RRAS2: variants seen among roughly 807,000 people sequenced by gnomAD.
RRAS2 encodes ras-related protein R-Ras2.
In RRAS2, 7 loss-of-function variants were observed where a neutral mutation model predicts 27.6. That is an observed-to-expected ratio of 0.25 (90% confidence interval 0.14 to 0.48). RRAS2 has a LOEUF of 0.48. Ranked by LOEUF, RRAS2 falls within the 20% of genes least tolerant of loss-of-function variation. RRAS2 has a pLI of 0.99. For synonymous variants in RRAS2, 86 were observed against 90.9 expected (o/e 0.95, Z 0.31); for missense variants, 178 against 256.2 (o/e 0.69, Z 2.08).
intron 1 of RRAS2, among the ~76,000 whole-genome samples, chr11:14,336,580 C>T (rs1848593197): frequency 6.6e-6 from 1 of 151,864 alleles, no homozygotes; most frequent in South Asian, 2.1e-4. Flanking sequence ...CTAAAAAATA[C>T]AATAATCAAA....
intron 1 of RRAS2, among the ~76,000 whole-genome samples, chr11:14,348,088 G>GA (rs1366985393): frequency 6.6e-6 from 1 of 152,016 alleles, no homozygotes; most frequent in Non-Finnish European, 1.5e-5. Flanking sequence ...TTTTTAAACA[G>GA]AAAAAAACCT....
intron 1 of RRAS2, among the ~76,000 whole-genome samples, chr11:14,327,585 C>A (rs553734497): frequency 6.6e-6 from 1 of 152,166 alleles, no homozygotes; most frequent in Admixed American, 6.6e-5. Flanking sequence ...TTCTCTACCC[C>A]CCTTTCTCTT....
chr11:14,350,724 C>T (rs1300931894), intron 1 of RRAS2, among the ~76,000 whole-genome samples: 3 of 151,770 alleles, frequency 2.0e-5, no homozygotes, highest in African/African-American at 7.3e-5. Flanking sequence ...AAAAAAAAAT[C>T]TCATGTTTTA....
intron 4 of RRAS2, among the ~76,000 whole-genome samples, chr11:14,286,877 A>G (rs1304270315): frequency 8.5e-5 from 13 of 152,262 alleles, no homozygotes; most frequent in Admixed American, 8.5e-4. Flanking sequence ...AAGGAAGCCG[A>G]GTAAACACAG....
intron 1 of RRAS2, among the ~76,000 whole-genome samples, chr11:14,330,977 C>T (rs896324339): frequency 6.6e-6 from 1 of 152,142 alleles, no homozygotes; most frequent in Admixed American, 6.5e-5. Context: ...TGTGCACTGG[C>T]GTGATCATAG....
intron 1 of RRAS2, among the ~76,000 whole-genome samples, chr11:14,346,986 C>G (rs2134030572): frequency 6.6e-6 from 1 of 152,142 alleles, no homozygotes; most frequent in South Asian, 2.1e-4. Flanking sequence ...GAGACCCCAT[C>G]TCTAAAAAAT....
chr11:14,307,690 T>C (rs1847865874), intron 1 of RRAS2, among the ~76,000 whole-genome samples: 1 of 151,966 alleles, frequency 6.6e-6, no homozygotes, highest in Non-Finnish European at 1.5e-5. Flanking sequence ...GCACATAGCC[T>C]GCGACAGTTT....
Position 14,303,742 on chromosome 11 carries a change from A to C in RRAS2, c.109-7887T>G, listed in dbSNP as rs185454071. Among the ~76,000 whole-genome samples, 35 of 152,156 alleles carry C rather than the reference A, an allele frequency of 2.3e-4. No homozygotes were observed. The East Asian group carries it at 5.6e-3, about 24-fold the overall frequency. ...GGGGGATGTGAGGGGTCCTGTCATC[A>C]TCTCTCTCTCCCTGCTCTGCATCTC... On this transcript the variant is annotated intron_variant, in intron 1 of 5. Coordinates refer to ENST00000256196, the MANE Select transcript of RRAS2 (RefSeq NM_012250.6).
intron 1 of RRAS2, among the ~76,000 whole-genome samples, chr11:14,327,490 TTA>T (rs782170422): frequency 6.6e-6 from 1 of 152,168 alleles, no homozygotes; most frequent in Non-Finnish European, 1.5e-5. Context: ...CAAATGCAAT[TTA>T]TGTTACCTTC....
chr11:14,330,584 A>G (rs1848463606), intron 1 of RRAS2, among the ~76,000 whole-genome samples: 1 of 152,174 alleles, frequency 6.6e-6, no homozygotes, highest in Admixed American at 6.5e-5. Flanking sequence ...ACCACTGATG[A>G]GGGGGACGTC....
intron 1 of RRAS2, among the ~76,000 whole-genome samples, chr11:14,338,223 A>G (rs1564978337): frequency 1.3e-5 from 2 of 152,200 alleles, no homozygotes; most frequent in Admixed American, 6.5e-5. Flanking sequence ...CTAAAATCCT[A>G]TAAGGTAAGT....
intron 1 of RRAS2, among the ~76,000 whole-genome samples, chr11:14,339,724 A>T (rs1554953038): frequency 6.6e-6 from 1 of 152,196 alleles, no homozygotes; most frequent in African/African-American, 2.4e-5. Flanking sequence ...GAATTTTTTT[A>T]AAAAGTTAAA....
intron 1 of RRAS2, among the ~76,000 whole-genome samples, chr11:14,357,347 T>C (rs1414661035): frequency 6.6e-6 from 1 of 151,956 alleles, no homozygotes; most frequent in African/African-American, 2.4e-5. Context: ...GGGTTAGCTA[T>C]AAATTGTTTT....
At chr11:14,329,068 TAC>T (rs200695347) in intron 1 of RRAS2, among the ~76,000 whole-genome samples, 7,511 of 141,596 alleles carry the variant, frequency 0.053, 246 homozygotes, top group African/African-American at 0.099. Flanking sequence ...CACATATACA[TAC>T]ACACACACAC....
At chr11:14,295,103 T>C (rs1564958421) in intron 2 of RRAS2, among the ~76,000 whole-genome samples, 1 of 152,214 alleles carries the variant, frequency 6.6e-6, no homozygotes, top group Non-Finnish European at 1.5e-5. Context: ...ATTAGCACAC[T>C]AATTAGAAGC....
chr11:14,307,463 T>C (rs1847860101), intron 1 of RRAS2, among the ~76,000 whole-genome samples: 1 of 152,092 alleles, frequency 6.6e-6, no homozygotes, highest in South Asian at 2.1e-4. Flanking sequence ...CTCGGCTCAA[T>C]GCAACCTCCG....
intron 1 of RRAS2, among the ~76,000 whole-genome samples, chr11:14,321,128 C>T (rs934816229): frequency 3.3e-5 from 5 of 151,354 alleles, no homozygotes; most frequent in African/African-American, 1.2e-4. Context: ...TGCAGTGAGC[C>T]GAGATCGGCC....
intron 1 of RRAS2, among the ~76,000 whole-genome samples, chr11:14,328,148 A>G (rs1554951309): frequency 6.6e-6 from 1 of 152,116 alleles, no homozygotes; most frequent in Non-Finnish European, 1.5e-5. Flanking sequence ...CAGGCGGATC[A>G]CCTGAGGTCA....
At chr11:14,287,217 G>A (rs186793344) in intron 4 of RRAS2, among the ~76,000 whole-genome samples, 12 of 152,174 alleles carry the variant, frequency 7.9e-5, no homozygotes, top group Non-Finnish European at 1.3e-4. Context: ...CTTTCACCAC[G>A]TCATCATGTC....
Sources: allele counts gnomAD v4.1 joint callset (sites outside exome capture counted in the v4.1 genomes callset), GRCh38; gene constraint gnomAD v4.1.1; transcripts MANE v1.5; gene names NCBI Gene and HGNC (gene_info 2026-07-23, HGNC 2026-07-21).